Variants in AASS observed in about 807,000 individuals in gnomAD.
AASS encodes aminoadipate-semialdehyde synthase, also known as alpha-aminoadipic semialdehyde synthase, mitochondrial.
AASS carries 86 observed loss-of-function variants against 105.4 expected under a neutral mutation model. The ratio of observed to expected loss-of-function variants is 0.82; its 90% CI spans 0.69 to 0.98. The LOEUF is 0.98. Among genes scored for constraint, AASS ranks in the 50% least tolerant of loss-of-function variants. The pLI is 0.00. For missense variants in AASS, 1,048 were observed against 1,143.2 expected, an observed-to-expected ratio of 0.92 and a Z score of 1.20; for synonymous variants, 381 against 394.8, an observed-to-expected ratio of 0.96 and a Z score of 0.41.
intron 15 of AASS, among the ~76,000 whole-genome samples, chr7:122,095,333 C>T (rs1284749050): frequency 1.3e-5 from 2 of 151,928 alleles, no homozygotes; most frequent in Non-Finnish European, 2.9e-5. Context: ...TCTGGGACTG[C>T]ATAATCAAAA....
At chr7:122,083,194 A>C (rs944370454) in intron 19 of AASS, among the ~76,000 whole-genome samples, 1 of 152,182 alleles carries the variant, frequency 6.6e-6, no homozygotes, top group Middle Eastern at 3.2e-3. Flanking sequence ...TATATTGTTC[A>C]AACTGTTCAA....
intron 1 of AASS, among the ~76,000 whole-genome samples, chr7:122,141,152 C>T (rs536255125): frequency 2.6e-4 from 39 of 152,156 alleles, no homozygotes; most frequent in Non-Finnish European, 4.3e-4. Context: ...ACTTCCTGTG[C>T]GTGGGTACAT....
At chr7:122,140,485 CAAAAAAAAAAAAA>C (rs57828681) in intron 1 of AASS, among the ~76,000 whole-genome samples, 1 of 37,328 alleles carries the variant, frequency 2.7e-5, no homozygotes, top group African/African-American at 1.1e-4. Context: ...GACTCAGTCT[CAAAAAAAAAAAAA>C]AAAAAAAAAA....
intron 4 of AASS, among the ~76,000 whole-genome samples, chr7:122,119,689 T>C (rs1039206168): frequency 1.3e-5 from 2 of 152,204 alleles, no homozygotes; most frequent in Non-Finnish European, 2.9e-5. Flanking sequence ...TTAACAAATA[T>C]ACACATCTGT....
At chr7:122,127,030 C>A (rs1795687576) in intron 3 of AASS, among the ~76,000 whole-genome samples, 1 of 152,158 alleles carries the variant, frequency 6.6e-6, no homozygotes, top group African/African-American at 2.4e-5. Context: ...CAAGTCCAAG[C>A]ACAGATATTT....
chr7:122,124,855 T>TA (rs1179041074), intron 4 of AASS, among the ~76,000 whole-genome samples: 1 of 152,202 alleles, frequency 6.6e-6, no homozygotes, highest in Non-Finnish European at 1.5e-5. Context: ...AATTTTCTGT[T>TA]AGTTTAATAG....
chr7:122,104,970 G>A (rs1318318212), intron 11 of AASS, among the ~76,000 whole-genome samples: 1 of 151,944 alleles, frequency 6.6e-6, no homozygotes, highest in Non-Finnish European at 1.5e-5. Context: ...CTCACTATAT[G>A]CTGCACACAA....
Position 122,079,858 on chromosome 7 carries a change from C to A in AASS, c.2281-146G>T. On this transcript the variant is annotated intron_variant, in intron 20 of 23. Transcript: ENST00000417368. ...TAATTGGAAATAGGAAATTGTAACA[C>A]ATACACACACATACACACATCTGCA... is the stretch of plus-strand genomic sequence containing the variant. The A allele has an allele frequency of 6.2e-6, 4 of 645,268 alleles. No homozygotes were observed. The Admixed American group carries it at 7.1e-5, about 11-fold the overall frequency. The allele number at this position is 645,268 out of a possible 1,614,324, so 40.0% of individuals were successfully genotyped here.
intron 2 of AASS, among the ~76,000 whole-genome samples, chr7:122,130,341 A>G (rs1392425724): frequency 2.0e-5 from 3 of 152,054 alleles, no homozygotes; most frequent in Non-Finnish European, 4.4e-5. Context: ...ATACAAAGAG[A>G]GAAGTAAAGA....
intron 2 of AASS, among the ~76,000 whole-genome samples, chr7:122,133,315 G>A (rs1052420406): frequency 6.6e-6 from 1 of 152,110 alleles, no homozygotes; most frequent in Non-Finnish European, 1.5e-5. Context: ...ACATGAAGGA[G>A]AGAATGATTG....
At chr7:122,085,496 T>G (rs1383125503) in intron 19 of AASS, among the ~76,000 whole-genome samples, 1 of 152,148 alleles carries the variant, frequency 6.6e-6, no homozygotes, top group Non-Finnish European at 1.5e-5. Flanking sequence ...AGTCCATGTT[T>G]TTTTAATGAC....
Position 122,116,655 on chromosome 7 carries a change from T to C in AASS, c.872A>G (p.Tyr291Cys). 1.2e-6 allele frequency: 2 copies of C among 1,614,064 alleles called. No homozygotes were observed. Among genetic ancestry groups the C allele is most frequent in the Non-Finnish European group, 1.7e-6 (2 of 1,179,972 alleles). ...CACATCAGTATTAAAACGACTTATG[T>C]AGCGCTCCGGATGTTTGTCATACTC... ...PAEYDKHPERYISRFNTDIAP... is the reference protein window; with the variant it reads ...PAEYDKHPERCISRFNTDIAP... The change falls in exon 8 of 24, where the codon TAC (tyrosine) becomes TGC (cysteine). Residue 291 changes from tyrosine to cysteine, a missense_variant. Coordinates refer to ENST00000417368, the MANE Select transcript of AASS (RefSeq NM_005763.4).
At chr7:122,135,867 T>G (rs1471752638) in intron 1 of AASS, among the ~76,000 whole-genome samples, 1 of 152,202 alleles carries the variant, frequency 6.6e-6, no homozygotes, top group Non-Finnish European at 1.5e-5. Context: ...CTAATTTTTA[T>G]ATACAGGTTC....
At chr7:122,127,184 C>T (rs1354954130) in intron 3 of AASS, among the ~76,000 whole-genome samples, 2 of 152,140 alleles carry the variant, frequency 1.3e-5, no homozygotes, top group East Asian at 3.9e-4. Context: ...CTCCTTTTCT[C>T]ATATTCCACC....
Position 122,098,486 on chromosome 7 carries a change from A to G in AASS, c.1619T>C (p.Leu540Pro), listed in dbSNP as rs747311809. 4 of 1,612,172 alleles carry G rather than the reference A, an allele frequency of 2.5e-6. No individual in the cohort carries two copies. In the African/African-American group the frequency reaches 5.3e-5, roughly 22 times the overall value. Reference sequence around the variant, plus strand: ...ATCCTGTTTTGCCACCAAGAAGCCCAGCTTCTCTTCTTGTTTACAAATGTC... The same window carrying G: ...ATCCTGTTTTGCCACCAAGAAGCCCGGCTTCTCTTCTTGTTTACAAATGTC... ...SMDICKQEEK[L>P]GFLVAKQDLV... Residue 540 changes from leucine to proline, a missense_variant, in exon 15 of 24, where the codon CTG becomes CCG. Coordinates refer to ENST00000417368, the MANE Select transcript of AASS (RefSeq NM_005763.4).
intron 11 of AASS, among the ~76,000 whole-genome samples, chr7:122,106,312 TA>T: frequency 6.6e-6 from 1 of 152,066 alleles, no homozygotes; most frequent in East Asian, 1.9e-4. Context: ...TCAATGTTAT[TA>T]AAATGGCCAT....
chr7:122,131,346 AAAATC>A (rs933896922), intron 2 of AASS, among the ~76,000 whole-genome samples: 2 of 151,852 alleles, frequency 1.3e-5, no homozygotes, highest in African/African-American at 4.8e-5. Flanking sequence ...GCAAAAAAAA[AAAATC>A]AAAGAAATAG....
At chr7:122,127,949 T>C (rs989374332) in intron 3 of AASS, among the ~76,000 whole-genome samples, 5 of 152,210 alleles carry the variant, frequency 3.3e-5, no homozygotes, top group Non-Finnish European at 4.4e-5. Context: ...ATATTAAACT[T>C]GGCAGACCCT....
chr7:122,133,892 A>G (rs1796025933), intron 1 of AASS, 151 bp from the exon 2 acceptor site: 2 of 724,756 alleles, frequency 2.8e-6, no homozygotes, highest in Admixed American at 5.1e-5. Context: ...TGGGATGTCA[A>G]GTGTTCCTTT....
Sources: allele counts gnomAD v4.1 joint callset (sites outside exome capture counted in the v4.1 genomes callset), GRCh38; gene constraint gnomAD v4.1.1; transcripts MANE v1.5; gene names NCBI Gene and HGNC (gene_info 2026-07-23, HGNC 2026-07-21).